The following NRG1 variants were observed in gnomAD, a reference collection of about 807,000 sequenced individuals.
The protein encoded by NRG1 is pro-neuregulin-1, membrane-bound isoform.
NRG1 carries 18 observed loss-of-function variants against 63.8 expected under a neutral mutation model. The ratio of observed to expected loss-of-function variants is 0.28; its 90% CI spans 0.19 to 0.42. The LOEUF (loss-of-function observed/expected upper bound fraction) is 0.42. NRG1 is among the 10% of genes least tolerant of loss of function. The pLI is 1.00. For synonymous variants in NRG1, 302 were observed against 301.3 expected (o/e 1.00, Z -0.02); for missense variants, 762 against 814.7 (o/e 0.94, Z 0.79).
intron 1 of NRG1, among the ~76,000 whole-genome samples, chr8:31,687,692 G>A (rs898185604): frequency 6.6e-6 from 1 of 152,232 alleles, no homozygotes; most frequent in African/African-American, 2.4e-5. Flanking sequence ...CAACACAATG[G>A]AAGAGAAAAG....
chr8:31,680,151 A>C (rs1421399426), intron 1 of NRG1, among the ~76,000 whole-genome samples: 1 of 151,980 alleles, frequency 6.6e-6, no homozygotes, highest in Admixed American at 6.6e-5. Flanking sequence ...TTATTTTTTT[A>C]TTATTATACT....
At chr8:32,519,904 C>T (rs1830173687) in intron 1 of NRG1, among the ~76,000 whole-genome samples, 1 of 152,094 alleles carries the variant, frequency 6.6e-6, no homozygotes, top group Non-Finnish European at 1.5e-5. Flanking sequence ...AAGCAAACTG[C>T]AATTGGGATA....
exon 10 of NRG1, chr8:32,759,331 C>G: frequency 6.2e-7 from 1 of 1,613,870 alleles, no homozygotes; most frequent in South Asian, 1.1e-5. Flanking sequence ...AACGTCATCT[C>G]CAGTGAGCAT....
intron 1 of NRG1, among the ~76,000 whole-genome samples, chr8:32,152,903 A>G (rs1837653871): frequency 6.6e-6 from 1 of 152,198 alleles, no homozygotes; most frequent in Non-Finnish European, 1.5e-5. Context: ...AGGAGTAGAA[A>G]CCCATTTGAA....
intron 1 of NRG1, among the ~76,000 whole-genome samples, chr8:32,534,187 A>G (rs967751647): frequency 2.0e-5 from 3 of 152,146 alleles, no homozygotes; most frequent in Non-Finnish European, 4.4e-5. Context: ...GGGAAGGGGA[A>G]GAGGATCTAA....
intron 1 of NRG1, among the ~76,000 whole-genome samples, chr8:32,354,381 C>CAACAAA (rs1554516596): frequency 2.3e-4 from 21 of 92,512 alleles, no homozygotes; most frequent in African/African-American, 7.2e-4. Flanking sequence ...AAAACAACAA[C>CAACAAA]AACAAAAAGT....
At chr8:31,854,917 C>T (rs920637674) in intron 1 of NRG1, among the ~76,000 whole-genome samples, 15 of 152,138 alleles carry the variant, frequency 9.9e-5, no homozygotes, top group South Asian at 2.1e-4. Context: ...TGTAGCTGAG[C>T]GGTTTTGAGT....
chr8:31,743,200 C>T (rs537152516), intron 1 of NRG1, among the ~76,000 whole-genome samples: 19 of 152,010 alleles, frequency 1.2e-4, no homozygotes, highest in African/African-American at 4.1e-4. Context: ...ACATCTTCCC[C>T]TCTCTCCAGA....
At chr8:32,484,110 A>G (rs905163344) in intron 1 of NRG1, among the ~76,000 whole-genome samples, 1 of 152,098 alleles carries the variant, frequency 6.6e-6, no homozygotes, top group Non-Finnish European at 1.5e-5. Flanking sequence ...ATCAAAAAAA[A>G]AAAAAAGAAA....
At chr8:32,621,581 A>G (rs955225081) in intron 5 of NRG1, among the ~76,000 whole-genome samples, 5 of 152,358 alleles carry the variant, frequency 3.3e-5, no homozygotes, top group South Asian at 2.1e-4. Flanking sequence ...AATTTAATAC[A>G]TAAATGAGGA....
chr8:32,132,204 G>A (rs1834918032), intron 1 of NRG1, among the ~76,000 whole-genome samples: 1 of 152,020 alleles, frequency 6.6e-6, no homozygotes, highest in African/African-American at 2.4e-5. Context: ...CATGTGTGTT[G>A]TCTCCAAGCT....
At chr8:31,973,806 A>G (rs992681255) in intron 1 of NRG1, among the ~76,000 whole-genome samples, 9 of 152,188 alleles carry the variant, frequency 5.9e-5, no homozygotes, top group Admixed American at 2.0e-4. Context: ...TCTTTAATGA[A>G]CCAAATTTAT....
At chr8:32,626,897 T>C (rs1849397147) in intron 5 of NRG1, among the ~76,000 whole-genome samples, 1 of 151,850 alleles carries the variant, frequency 6.6e-6, no homozygotes, top group South Asian at 2.1e-4. Flanking sequence ...GGCACATGTC[T>C]GTAATCCCAG....
intron 1 of NRG1, among the ~76,000 whole-genome samples, chr8:32,051,713 A>G (rs1822007521): frequency 6.6e-6 from 1 of 152,006 alleles, no homozygotes. Flanking sequence ...AACAACAACA[A>G]CAACAAATCA....
At chr8:32,527,044 T>C (rs1485409930) in intron 1 of NRG1, among the ~76,000 whole-genome samples, 1 of 152,186 alleles carries the variant, frequency 6.6e-6, no homozygotes, top group East Asian at 1.9e-4. Flanking sequence ...TAGTACCCAA[T>C]TGGCATCTGT....
intron 1 of NRG1, among the ~76,000 whole-genome samples, chr8:32,437,298 A>C (rs1587650348): frequency 6.6e-6 from 1 of 151,568 alleles, no homozygotes; most frequent in Non-Finnish European, 1.5e-5. Flanking sequence ...TGCCTCCTTT[A>C]GTGTTTTTTT....
Position 32,424,044 on chromosome 8 carries a change from A to T in NRG1, c.38-171784A>T, listed in dbSNP as rs1817027383. Among the ~76,000 whole-genome samples the T allele has an allele frequency of 2.0e-5, 3 of 152,212 alleles. No homozygotes were observed. In the South Asian group the frequency reaches 6.2e-4, roughly 32 times the overall value. On this transcript the variant is annotated intron_variant, in intron 1 of 10. Transcript: ENST00000519301. ...GCCCTCTTTCTAGATAACCATCCAGAAGATAATCATCCAGCAGCTATCCGG... is the reference window on the plus strand; with the variant it reads ...GCCCTCTTTCTAGATAACCATCCAGTAGATAATCATCCAGCAGCTATCCGG...
chr8:31,645,047 A>G (rs1220741192), intron 1 of NRG1, among the ~76,000 whole-genome samples: 2 of 152,202 alleles, frequency 1.3e-5, no homozygotes, highest in Admixed American at 6.5e-5. Context: ...AGTAAAAACT[A>G]ATTTACAATG....
At chr8:32,255,933 GT>G (rs1340845072) in intron 1 of NRG1, among the ~76,000 whole-genome samples, 10 of 151,788 alleles carry the variant, frequency 6.6e-5, no homozygotes, top group Non-Finnish European at 4.4e-5. Flanking sequence ...CTCTAATCTC[GT>G]CTTCATGCTT....
Sources: gnomAD v4.1 joint callset for allele counts (sites outside exome capture counted in the v4.1 genomes callset) on GRCh38, gnomAD v4.1.1 for gene constraint, MANE v1.5 for transcripts, NCBI Gene and HGNC (gene_info 2026-07-23, HGNC 2026-07-21) for gene names.